Variants in GRIK5 observed in about 807,000 individuals in gnomAD.
GRIK5 encodes the protein glutamate receptor ionotropic, kainate 5.
In GRIK5, 43 loss-of-function variants were observed where a neutral mutation model predicts 97.4. That is an observed-to-expected ratio of 0.44 (90% CI 0.35 to 0.57). GRIK5 has a LOEUF of 0.57. GRIK5 is among the 20% of genes least tolerant of loss of function. The pLI is 0.01. For missense variants in GRIK5, 1,015 were observed against 1,382.0 expected, an observed-to-expected ratio of 0.73 and a Z score of 4.21; for synonymous variants, 580 against 583.5, an observed-to-expected ratio of 0.99 and a Z score of 0.09.
Position 42,069,860 on chromosome 19 carries a change from C to T in GRIK5, c.-670G>A, listed in dbSNP as rs991971304. On this transcript the variant is annotated 5_prime_UTR_variant, in exon 1 of 20. Transcript: ENST00000593562. ...AAGCATGCTGGGGGCGGGGAGAGCCCGGGAGTGGAGAGCTGGGGAGGATGG... is the reference window on the plus strand; with the variant it reads ...AAGCATGCTGGGGGCGGGGAGAGCCTGGGAGTGGAGAGCTGGGGAGGATGG... 6.6e-6 allele frequency among the ~76,000 whole-genome samples: 1 copy of T among 151,778 alleles called. No individual in the cohort carries two copies. The highest frequency in any genetic ancestry group is 1.5e-5 in the Non-Finnish European group (1 of 67,896).
At chr19:42,069,002 C>A in intron 1 of GRIK5, 1 of 521,676 alleles carries the variant, frequency 1.9e-6, no homozygotes, top group African/African-American at 2.0e-5. Flanking sequence ...CCCCGTAGGA[C>A]CCCAGAAAGC....
chr19:42,054,377 G>A lies in GRIK5; in HGVS notation c.999C>T (p.Ala333=). Residue 333 remains alanine, a synonymous_variant, in exon 9 of 20, where the codon GCC becomes GCT. Coordinates refer to ENST00000593562, the MANE Select transcript of GRIK5 (RefSeq NM_002088.5). ...GGGGCCAAATGTTGGCCGATGTACA[G>A]GCCAGAGGCTTCACACCGATCTCCT... ...RSQEIGVKPL[A]CTSANIWPHG... 1 of 1,613,758 alleles carries A rather than the reference G, an allele frequency of 6.2e-7. No individual in the cohort carries two copies. The highest frequency in any genetic ancestry group is 1.1e-5 in the South Asian group (1 of 91,078).
chr19:42,068,685 G>A (rs941038393), intron 1 of GRIK5: 3 of 443,674 alleles, frequency 6.8e-6, no homozygotes, highest in African/African-American at 6.1e-5. Flanking sequence ...GAGGAGTTCT[G>A]ACAGAGAGAG....
At chr19:42,028,244 T>G (rs1407955167) in intron 12 of GRIK5, among the ~76,000 whole-genome samples, 1 of 148,228 alleles carries the variant, frequency 6.7e-6, no homozygotes, top group African/African-American at 2.5e-5. Context: ...CAGGAAGAAT[T>G]TGAATGACAA....
intron 12 of GRIK5, among the ~76,000 whole-genome samples, chr19:42,041,680 G>A (rs1213773071): frequency 2.0e-5 from 3 of 151,956 alleles, no homozygotes; most frequent in East Asian, 1.9e-4. Flanking sequence ...TTCTGCCCAC[G>A]CTCAGGCCCC....
At chr19:42,013,027 T>G (rs1449978221) in intron 15 of GRIK5, among the ~76,000 whole-genome samples, 1 of 152,076 alleles carries the variant, frequency 6.6e-6, no homozygotes, top group Non-Finnish European at 1.5e-5. Flanking sequence ...ATTGAGTAGC[T>G]GGAACAAAGA....
chr19:42,014,263 G>A (rs1257180740), intron 15 of GRIK5, among the ~76,000 whole-genome samples: 4 of 151,882 alleles, frequency 2.6e-5, no homozygotes, highest in Non-Finnish European at 5.9e-5. Context: ...GCGTGCTGGC[G>A]TGCGCTTGTA....
At chr19:42,000,974 C>T (rs1054171085) in intron 19 of GRIK5, among the ~76,000 whole-genome samples, 4 of 152,184 alleles carry the variant, frequency 2.6e-5, no homozygotes, top group Non-Finnish European at 5.9e-5. Flanking sequence ...CCTCCCAGAA[C>T]TAGCCAAGCC....
At chr19:42,031,899 A>T (rs775912088) in intron 12 of GRIK5, among the ~76,000 whole-genome samples, 2 of 152,208 alleles carry the variant, frequency 1.3e-5, no homozygotes, top group Non-Finnish European at 2.9e-5. Context: ...TTGGGAGGCC[A>T]AAATGGGTGA....
intron 5 of GRIK5, among the ~76,000 whole-genome samples, chr19:42,060,819 G>A (rs553996620): frequency 9.3e-5 from 14 of 149,786 alleles, no homozygotes; most frequent in African/African-American, 2.4e-4. Flanking sequence ...TGAGGCCCTC[G>A]CCCACCATTT....
At chr19:42,018,925 A>G (rs916764188) in intron 15 of GRIK5, among the ~76,000 whole-genome samples, 9 of 152,166 alleles carry the variant, frequency 5.9e-5, no homozygotes, top group African/African-American at 2.2e-4. Flanking sequence ...CTGCTGAATC[A>G]TGGTGCTAAG....
intron 11 of GRIK5, 94 bp downstream of exon 11, chr19:42,053,508 C>T: frequency 6.3e-6 from 5 of 787,548 alleles, no homozygotes; most frequent in South Asian, 2.9e-5. Flanking sequence ...GGCCTATGCG[C>T]TGTGCCAGCC....
Position 42,056,673 on chromosome 19 carries a change from G to A in GRIK5, c.892C>T (p.Leu298=), listed in dbSNP as rs2076189931. ...ATCTGTGTGCTCACCGCAGGGCCCA[G>A]GTAGGTGCTGGCTTCACAGTTCTCC... The part of the protein sequence containing the change: ...WRENCEASTY[L]GPALSAALMF... The change falls in exon 8 of 20, where the codon CTG becomes TTG. Residue 298 remains leucine, a synonymous_variant. Transcript: ENST00000593562. 3 of 1,613,928 alleles carry A rather than the reference G, an allele frequency of 1.9e-6. No individual in the cohort carries two copies. The highest frequency in any genetic ancestry group is 1.7e-5 in the Admixed American group (1 of 59,998).
At chr19:42,014,949 A>G (rs2075607592) in intron 15 of GRIK5, among the ~76,000 whole-genome samples, 1 of 152,236 alleles carries the variant, frequency 6.6e-6, no homozygotes, top group Admixed American at 6.5e-5. Flanking sequence ...GGCCGAGACT[A>G]AAAGAATGGG....
chr19:42,045,365 C>G (rs758722412), intron 11 of GRIK5, among the ~76,000 whole-genome samples: 1 of 152,202 alleles, frequency 6.6e-6, no homozygotes, highest in Non-Finnish European at 1.5e-5. Flanking sequence ...GTGAGTGAAC[C>G]AAGGCATGCC....
chr19:42,012,096 G>A (rs548717940), intron 15 of GRIK5, among the ~76,000 whole-genome samples: 3 of 152,330 alleles, frequency 2.0e-5, no homozygotes, highest in East Asian at 1.9e-4. Flanking sequence ...AGGGTAATTG[G>A]TTTGAACCAG....
chr19:42,028,991 G>C (rs971579978), intron 12 of GRIK5, among the ~76,000 whole-genome samples: 1 of 152,176 alleles, frequency 6.6e-6, no homozygotes, highest in African/African-American at 2.4e-5. Context: ...AGCACTTTGA[G>C]AAGCCAAAGA....
In GRIK5 at chr19:42,005,822, C is replaced by T. The variant is rs1555872406; in HGVS notation, c.2164G>A (p.Glu722Lys). 3.7e-6 allele frequency: 6 copies of T among 1,613,954 alleles called. No homozygotes were observed. Among genetic ancestry groups the T allele is most frequent in the East Asian group, 2.2e-5 (1 of 44,880 alleles). The change falls in exon 17 of 20, where the codon GAG becomes AAG. Residue 722 changes from glutamate (E) to lysine (K), a missense_variant. Transcript: ENST00000593562. ...CGGTGGTATTCGTTCATGGTGGACTCGAGCAGGAAGGCGTAGCGGGAGTTG... is the reference window on the plus strand; with the variant it reads ...CGGTGGTATTCGTTCATGGTGGACTTGAGCAGGAAGGCGTAGCGGGAGTTG... Reference protein sequence around the residue: ...VLNSRYAFLLESTMNEYHRRL... With the variant: ...VLNSRYAFLLKSTMNEYHRRL...
At chr19:42,047,676 A>C (rs1171872355) in intron 11 of GRIK5, among the ~76,000 whole-genome samples, 1 of 152,142 alleles carries the variant, frequency 6.6e-6, no homozygotes, top group African/African-American at 2.4e-5. Context: ...CATATGGAAA[A>C]AAATGTATTC....
Sources: gnomAD v4.1 joint callset for allele counts (sites outside exome capture counted in the v4.1 genomes callset) on GRCh38, gnomAD v4.1.1 for gene constraint, MANE v1.5 for transcripts, NCBI Gene and HGNC (gene_info 2026-07-23, HGNC 2026-07-21) for gene names.